ULK4: variants seen among roughly 807,000 people sequenced by gnomAD.
ULK4 encodes inactive serine/threonine-protein kinase ULK4.
A neutral mutation model predicts 160.6 loss-of-function variants in ULK4; 133 were observed. The observed-to-expected ratio is 0.83, with a 90% CI of 0.72 to 0.96. ULK4 has a LOEUF of 0.96. Ranked by LOEUF, ULK4 falls within the 40% of genes least tolerant of loss-of-function variation. The pLI is 0.00. For synonymous variants in ULK4, 534 were observed against 539.8 expected (o/e 0.99, Z 0.15); for missense variants, 1,580 against 1,499.5 (o/e 1.05, Z -0.89).
intron 32 of ULK4, among the ~76,000 whole-genome samples, chr3:41,537,936 T>TC (rs397760697): frequency 2.5e-4 from 38 of 151,704 alleles, no homozygotes; most frequent in African/African-American, 8.7e-4. Flanking sequence ...TTTTTTTTTT[T>TC]CCAAAATAGG....
intron 5 of ULK4, among the ~76,000 whole-genome samples, chr3:41,926,695 T>G (rs931154501): frequency 6.6e-6 from 1 of 151,924 alleles, no homozygotes; most frequent in African/African-American, 2.4e-5. Flanking sequence ...GAGAACTTCA[T>G]GAAGCACACA....
chr3:41,538,518 T>C (rs1437473742), intron 32 of ULK4, among the ~76,000 whole-genome samples: 1 of 152,186 alleles, frequency 6.6e-6, no homozygotes, highest in Non-Finnish European at 1.5e-5. Flanking sequence ...ACTAGTGGCA[T>C]TTCATATGGG....
At chr3:41,535,521 T>C (rs2086467927) in intron 32 of ULK4, among the ~76,000 whole-genome samples, 1 of 152,204 alleles carries the variant, frequency 6.6e-6, no homozygotes, top group Non-Finnish European at 1.5e-5. Flanking sequence ...GGGAATTTAA[T>C]ACTGTATGAA....
chr3:41,910,024 GTA>G (rs1484833385), intron 11 of ULK4, among the ~76,000 whole-genome samples: 1 of 151,982 alleles, frequency 6.6e-6, no homozygotes, highest in Non-Finnish European at 1.5e-5. Flanking sequence ...AGCCTCCTAA[GTA>G]GCTGGGATTA....
chr3:41,386,959 T>C (rs2081827935), intron 35 of ULK4, among the ~76,000 whole-genome samples: 1 of 152,082 alleles, frequency 6.6e-6, no homozygotes, highest in African/African-American at 2.4e-5. Flanking sequence ...GAGGTCTGAG[T>C]CCTGAGAAGG....
chr3:41,905,956 G>A (rs1347452276), intron 12 of ULK4, among the ~76,000 whole-genome samples: 1 of 152,122 alleles, frequency 6.6e-6, no homozygotes, highest in East Asian at 1.9e-4. Flanking sequence ...GGTGGCTCAC[G>A]CCTATAATCC....
intron 18 of ULK4, among the ~76,000 whole-genome samples, chr3:41,823,710 T>C (rs1029391937): frequency 6.6e-6 from 1 of 152,168 alleles, no homozygotes; most frequent in Non-Finnish European, 1.5e-5. Flanking sequence ...GTACTCAAAC[T>C]GACAATTCCA....
At chr3:41,464,819 G>A (rs2083785767) in intron 32 of ULK4, among the ~76,000 whole-genome samples, 1 of 152,220 alleles carries the variant, frequency 6.6e-6, no homozygotes, top group Non-Finnish European at 1.5e-5. Flanking sequence ...TTAGGAGGCA[G>A]AGGTGGGTCC....
intron 34 of ULK4, among the ~76,000 whole-genome samples, chr3:41,405,879 ATT>A (rs2125822462): frequency 6.6e-6 from 1 of 151,932 alleles, no homozygotes; most frequent in East Asian, 1.9e-4. Flanking sequence ...GATTCTGGAT[ATT>A]AGACCTTCAT....
intron 29 of ULK4, among the ~76,000 whole-genome samples, chr3:41,666,600 G>A (rs1271206637): frequency 3.9e-5 from 6 of 152,092 alleles, no homozygotes; most frequent in African/African-American, 1.2e-4. Context: ...TGAGTCCTTC[G>A]TGTACCCTGG....
intron 6 of ULK4, 110 bp downstream of exon 6, chr3:41,919,606 TA>T (rs1044088131): frequency 2.7e-4 from 246 of 898,924 alleles, no homozygotes; most frequent in Non-Finnish European, 3.5e-4. Context: ...TGTCTCAAAA[TA>T]AAAAAAAATC....
chr3:41,689,358 T>C (rs1042727862), intron 27 of ULK4, among the ~76,000 whole-genome samples: 1 of 152,212 alleles, frequency 6.6e-6, no homozygotes, highest in Non-Finnish European at 1.5e-5. Flanking sequence ...CCAGACTTTA[T>C]TGAGAGTCTG....
intron 34 of ULK4, among the ~76,000 whole-genome samples, chr3:41,431,355 AAATAATAATAATAATAAT>A (rs57010705): frequency 0.012 from 1,639 of 139,116 alleles, 31 homozygotes; most frequent in African/African-American, 0.04. Context: ...ACACACACAC[AAATAATAATAATAATAAT>A]AATAATAATA....
At chr3:41,579,488 T>A (rs1314360760) in intron 31 of ULK4, among the ~76,000 whole-genome samples, 23 of 4,704 alleles carry the variant, frequency 4.9e-3, no homozygotes, top group Admixed American at 0.022. Context: ...AACTAATATT[T>A]TTTTTTTTTT....
chr3:41,852,728 C>T (rs1444950329), intron 17 of ULK4, among the ~76,000 whole-genome samples: 1 of 152,134 alleles, frequency 6.6e-6, no homozygotes, highest in Non-Finnish European at 1.5e-5. Flanking sequence ...ATGTGCTAAA[C>T]TCTTGGTGAC....
At chr3:41,597,840 G>T (rs932839274) in intron 31 of ULK4, among the ~76,000 whole-genome samples, 1 of 152,230 alleles carries the variant, frequency 6.6e-6, no homozygotes, top group East Asian at 1.9e-4. Flanking sequence ...TAGTGGAGGC[G>T]AAGTCTACTT....
intron 30 of ULK4, among the ~76,000 whole-genome samples, chr3:41,618,441 T>C (rs2033081993): frequency 6.6e-6 from 1 of 152,174 alleles, no homozygotes; most frequent in African/African-American, 2.4e-5. Flanking sequence ...AGAAATACTA[T>C]AAGCCACAAG....
chr3:41,283,289 ATTACTGGGT>A (rs2079394772), intron 35 of ULK4, among the ~76,000 whole-genome samples: 2 of 152,352 alleles, frequency 1.3e-5, no homozygotes, highest in African/African-American at 4.8e-5. Flanking sequence ...AAGCGATCCC[ATTACTGGGT>A]ATATACCCAA....
intron 3 of ULK4, among the ~76,000 whole-genome samples, chr3:41,936,488 CT>C (rs1045232691): frequency 1.3e-5 from 2 of 152,108 alleles, no homozygotes; most frequent in Middle Eastern, 3.4e-3. Context: ...CAGAAATAAA[CT>C]TTTTTTTAAA....
Sources: allele counts gnomAD v4.1 joint callset (sites outside exome capture counted in the v4.1 genomes callset), GRCh38; gene constraint gnomAD v4.1.1; transcripts MANE v1.5; gene names NCBI Gene and HGNC (gene_info 2026-07-23, HGNC 2026-07-21).